Variants in ARHGAP5 observed in about 807,000 individuals in gnomAD.
ARHGAP5 encodes the protein Rho GTPase activating protein 5, also known as rho GTPase-activating protein 5.
ARHGAP5 carries 23 observed loss-of-function variants against 116.6 expected under a neutral mutation model. The ratio of observed to expected loss-of-function variants is 0.20; its 90% CI spans 0.14 to 0.28. The LOEUF is 0.28. ARHGAP5 is among the 10% of genes least tolerant of loss of function. The pLI is 1.00. For synonymous variants in ARHGAP5, 574 were observed against 602.0 expected, an observed-to-expected ratio of 0.95 and a Z score of 0.68; for missense variants, 1,405 against 1,774.8, an observed-to-expected ratio of 0.79 and a Z score of 3.74.
intron 4 of ARHGAP5, among the ~76,000 whole-genome samples, chr14:32,148,176 A>G (rs1454453860): frequency 3.4e-5 from 5 of 148,486 alleles, no homozygotes; most frequent in African/African-American, 1.0e-4. Flanking sequence ...CTATCTATCT[A>G]TCTATCTATC....
chr14:32,100,842 T>A (rs921002522), intron 2 of ARHGAP5, among the ~76,000 whole-genome samples: 2 of 152,226 alleles, frequency 1.3e-5, no homozygotes, highest in Non-Finnish European at 2.9e-5. Flanking sequence ...AGAGAACTGC[T>A]TGAAATTTCC....
chr14:32,151,469 A>G (rs1881635679), intron 5 of ARHGAP5, among the ~76,000 whole-genome samples: 1 of 152,270 alleles, frequency 6.6e-6, no homozygotes, highest in African/African-American at 2.4e-5. Context: ...AAGTAATTGT[A>G]GTATAGGCGA....
Position 32,092,594 on chromosome 14 carries a change from C to T in ARHGAP5, c.1925C>T (p.Pro642Leu). 2 of 1,613,692 alleles carry T rather than the reference C, an allele frequency of 1.2e-6. No homozygotes were observed. The highest frequency in any genetic ancestry group is 1.7e-6 in the Non-Finnish European group (2 of 1,179,858). Residue 642 changes from proline to leucine, a missense_variant, in exon 2 of 7, where the codon CCT (proline) becomes CTT (leucine). Physicochemically the swap from Pro to Leu is moderately conservative, Grantham distance 98. Coordinates refer to ENST00000345122, the MANE Select transcript of ARHGAP5 (RefSeq NM_001030055.2). This position sits in a 1 kb window ranked among gnomAD's most constrained non-coding sequence, Gnocchi z 4.1. ...CTTCGGCCGGTTGATGCCAAATCGC[C>T]TTACTTTTTGAGTCAGTTATGGACT... The part of the protein sequence containing the change: ...LDLRPVDAKS[P>L]YFLSQLWTAA...
chr14:32,122,463 T>C (rs1428467065), intron 3 of ARHGAP5, among the ~76,000 whole-genome samples: 1 of 152,202 alleles, frequency 6.6e-6, no homozygotes, highest in Non-Finnish European at 1.5e-5. Flanking sequence ...TGTGGGTCAT[T>C]TTTTACAACT....
chr14:32,115,517 T>C (rs751182019), intron 2 of ARHGAP5, among the ~76,000 whole-genome samples: 16 of 149,540 alleles, frequency 1.1e-4, no homozygotes, highest in Non-Finnish European at 2.1e-4. Context: ...TACAAAAAAA[T>C]TAGCCGGGCG....
intron 2 of ARHGAP5, among the ~76,000 whole-genome samples, chr14:32,102,750 A>AT (rs1277839525): frequency 6.6e-6 from 1 of 152,256 alleles, no homozygotes; most frequent in Non-Finnish European, 1.5e-5. Context: ...TGAAGTCAGC[A>AT]TAAATGTATG....
rs1881685466 is a variant in ARHGAP5 at position 32,152,475 on chromosome 14, A to G, written c.4128A>G (p.Lys1376=). ...RLHALKEIVK[K]FHPVNYDVFR... ...ATGCCTTGAAAGAAATTGTTAAGAA[A>G]TTTCATCCTGTAAACTATGATGTAT... is the stretch of plus-strand genomic sequence containing the variant. The change falls in exon 6 of 7, where the codon AAA becomes AAG. Residue 1376 remains lysine, a synonymous_variant. Transcript: ENST00000345122. 6.2e-7 allele frequency: 1 copy of G among 1,606,296 alleles called. No homozygotes were observed. Among genetic ancestry groups the G allele is most frequent in the African/African-American group, 1.3e-5 (1 of 74,458 alleles).
At chr14:32,133,230 C>T (rs1880601763) in intron 3 of ARHGAP5, among the ~76,000 whole-genome samples, 2 of 152,112 alleles carry the variant, frequency 1.3e-5, no homozygotes, top group African/African-American at 2.4e-5. Context: ...ATGGAATGTT[C>T]TTCCATTTGT....
intron 4 of ARHGAP5, among the ~76,000 whole-genome samples, chr14:32,148,282 A>C (rs892506698): frequency 2.6e-5 from 4 of 152,226 alleles, no homozygotes; most frequent in African/African-American, 9.6e-5. Flanking sequence ...TTTCACTTCC[A>C]GTAATGAATG....
In ARHGAP5 at chr14:32,092,475, G is replaced by A; in HGVS notation, c.1806G>A (p.Gly602=). Residue 602 remains glycine (G), a synonymous_variant, in exon 2 of 7, where the codon GGG becomes GGA. Coordinates refer to ENST00000345122, the MANE Select transcript of ARHGAP5 (RefSeq NM_001030055.2). This position sits in a 1 kb window ranked among gnomAD's most constrained non-coding sequence, Gnocchi z 4.1. ...ATAAAGTTAACCTTTTTATTTTAGG[G>A]AAGGATGGCCTTGCCCAAGAACTAG... The part of the protein sequence containing the change: ...NIDKVNLFIL[G]KDGLAQELAN... 6.2e-7 allele frequency: 1 copy of A among 1,613,990 alleles called. No individual in the cohort carries two copies.
In ARHGAP5 at chr14:32,092,901, C is replaced by T; in HGVS notation, c.2232C>T (p.Thr744=). The change falls in exon 2 of 7, where the codon ACC becomes ACT. Residue 744 remains threonine, a synonymous_variant. Transcript: ENST00000345122. The surrounding 1 kb of genome is among the most constrained non-coding windows in gnomAD (Gnocchi z 4.1). ...AGTYPRKFNE[T]QIKQALRGVL... ...CATATCCTCGTAAATTTAATGAAAC[C>T]CAAATAAAGCAAGCTCTCAGAGGAG... The T allele has an allele frequency of 6.2e-7, 1 of 1,613,758 alleles. No individual in the cohort carries two copies. The highest frequency in any genetic ancestry group is 8.5e-7 in the Non-Finnish European group (1 of 1,179,852).
chr14:32,117,052 T>C, intron 2 of ARHGAP5, 88 bp from the exon 3 acceptor site: 1 of 1,054,138 alleles, frequency 9.5e-7, no homozygotes, highest in Non-Finnish European at 1.3e-6. Context: ...AAATTTTTCT[T>C]TTGATCCGAA....
At chr14:32,112,706 A>G (rs756216840) in intron 2 of ARHGAP5, among the ~76,000 whole-genome samples, 3 of 152,100 alleles carry the variant, frequency 2.0e-5, no homozygotes, top group Non-Finnish European at 4.4e-5. Flanking sequence ...CCCTGTCTCT[A>G]CTAAGAATAC....
At chr14:32,088,009 A>G (rs2041847617) in intron 1 of ARHGAP5, among the ~76,000 whole-genome samples, 1 of 152,012 alleles carries the variant, frequency 6.6e-6, no homozygotes, top group Non-Finnish European at 1.5e-5. Flanking sequence ...TTAAAAATAC[A>G]TTTTATGATA....
At chr14:32,113,624 G>A (rs953392455) in intron 2 of ARHGAP5, among the ~76,000 whole-genome samples, 3 of 152,152 alleles carry the variant, frequency 2.0e-5, no homozygotes, top group African/African-American at 7.2e-5. Flanking sequence ...TTGCTTTCCT[G>A]TCACAACCCC....
chr14:32,148,267 T>A (rs529567705), intron 4 of ARHGAP5, among the ~76,000 whole-genome samples: 6 of 152,334 alleles, frequency 3.9e-5, no homozygotes, highest in African/African-American at 1.4e-4. Flanking sequence ...ATTAAATTGG[T>A]AGAATTTCAC....
chr14:32,092,293 C>G lies in ARHGAP5; in HGVS notation c.1624C>G (p.Leu542Val). The change falls in exon 2 of 7, where the codon CTA (leucine) becomes GTA (valine). Residue 542 changes from leucine to valine, a missense_variant. Physicochemically the swap from Leu to Val is conservative, Grantham distance 32. Around this residue, in one of 6 missense-constraint regions of ARHGAP5, gnomAD observed 944 missense variants for 1,095.3 expected, o/e 0.86. Coordinates refer to ENST00000345122, the MANE Select transcript of ARHGAP5 (RefSeq NM_001030055.2). The surrounding 1 kb of genome is among the most constrained non-coding windows in gnomAD (Gnocchi z 4.1). ...QKLAPDRESLLLKHIGFVYHP... is the reference protein window; with the variant it reads ...QKLAPDRESLVLKHIGFVYHP... ...ACTTGCACCTGATAGGGAATCCCTT[C>G]TACTTAAGCATATAGGATTTGTTTA... 6.2e-7 allele frequency: 1 copy of G among 1,613,750 alleles called. No homozygotes were observed. The highest frequency in any genetic ancestry group is 8.5e-7 in the Non-Finnish European group (1 of 1,179,794).
intron 2 of ARHGAP5, among the ~76,000 whole-genome samples, chr14:32,098,079 A>G (rs532252465): frequency 6.6e-6 from 1 of 152,328 alleles, no homozygotes; most frequent in African/African-American, 2.4e-5. Context: ...GAAGTTTCAA[A>G]AGTTTTTAAG....
Position 32,093,860 on chromosome 14 carries a change from C to T in ARHGAP5, c.3191C>T (p.Ala1064Val), listed in dbSNP as rs1295598742. Residue 1064 changes from alanine (A) to valine (V), a missense_variant, in exon 2 of 7, where the codon GCT (alanine) becomes GTT (valine). This residue lies in a region of ARHGAP5 where 944 missense variants were observed against 1,095.3 expected (regional missense o/e 0.86). Coordinates refer to ENST00000345122, the MANE Select transcript of ARHGAP5 (RefSeq NM_001030055.2). Reference sequence around the variant, plus strand: ...CCAAACCTTTTAAAAACAATTGAAGCTGGTATTGGTAAAAATCCAAGAAAG... The same window carrying T: ...CCAAACCTTTTAAAAACAATTGAAGTTGGTATTGGTAAAAATCCAAGAAAG... ...LDPNLLKTIE[A>V]GIGKNPRKQT... The T allele has an allele frequency of 6.2e-6, 10 of 1,613,918 alleles. No individual in the cohort carries two copies. The highest frequency in any genetic ancestry group is 8.5e-6 in the Non-Finnish European group (10 of 1,179,966).
Sources: allele counts gnomAD v4.1 joint callset (sites outside exome capture counted in the v4.1 genomes callset), GRCh38; gene constraint gnomAD v4.1.1; regional missense constraint gnomAD v4.1.1; non-coding constraint Gnocchi (gnomAD v3.1); transcripts MANE v1.5; gene names NCBI Gene and HGNC (gene_info 2026-07-23, HGNC 2026-07-21).